NUBPL: variants seen among roughly 807,000 people sequenced by gnomAD.
The protein encoded by NUBPL is NUBP iron-sulfur cluster assembly factor, mitochondrial.
In NUBPL, 31 loss-of-function variants were observed where a neutral mutation model predicts 45.7. The ratio of observed to expected loss-of-function variants is 0.68; its 90% CI spans 0.51 to 0.92. NUBPL has a LOEUF of 0.92. Ranked by LOEUF, NUBPL falls within the 40% of genes least tolerant of loss-of-function variation. NUBPL has a pLI of 0.00. For synonymous variants in NUBPL, 144 were observed against 140.9 expected (o/e 1.02, Z -0.15); for missense variants, 401 against 398.7 (o/e 1.01, Z -0.05).
At chr14:31,687,054 A>AG (rs2036969496) in intron 6 of NUBPL, among the ~76,000 whole-genome samples, 1 of 152,196 alleles carries the variant, frequency 6.6e-6, no homozygotes, top group Admixed American at 6.5e-5. Flanking sequence ...TTGAGATTGA[A>AG]GTGAGCTGTG....
chr14:31,818,767 C>G (rs1427919303), intron 7 of NUBPL, among the ~76,000 whole-genome samples: 1 of 152,180 alleles, frequency 6.6e-6, no homozygotes, highest in African/African-American at 2.4e-5. Context: ...CCAGGATGGT[C>G]TCGATCTCCT....
intron 7 of NUBPL, among the ~76,000 whole-genome samples, chr14:31,799,781 T>TG (rs893960691): frequency 3.9e-5 from 6 of 152,214 alleles, no homozygotes; most frequent in Non-Finnish European, 8.8e-5. Flanking sequence ...GTGATCAGGG[T>TG]GGCAGTTGCT....
intron 3 of NUBPL, among the ~76,000 whole-genome samples, chr14:31,580,082 G>T (rs1232863239): frequency 6.6e-6 from 1 of 152,148 alleles, no homozygotes; most frequent in Non-Finnish European, 1.5e-5. Context: ...CTATTTATAT[G>T]AAATGAAAAT....
chr14:31,784,433 A>C (rs1423069471), intron 6 of NUBPL, among the ~76,000 whole-genome samples: 2 of 152,158 alleles, frequency 1.3e-5, no homozygotes, highest in African/African-American at 2.4e-5. Context: ...GAGGGAAGGA[A>C]CCTTCCCTGA....
chr14:31,810,274 G>C (rs924200936), intron 7 of NUBPL, among the ~76,000 whole-genome samples: 2 of 151,964 alleles, frequency 1.3e-5, no homozygotes, highest in African/African-American at 4.8e-5. Context: ...AGGTCTCTTG[G>C]GGCTTGCTTT....
intron 6 of NUBPL, among the ~76,000 whole-genome samples, chr14:31,727,677 A>C (rs558721548): frequency 1.3e-5 from 2 of 152,346 alleles, no homozygotes; most frequent in Non-Finnish European, 2.9e-5. Context: ...TTTTTGGGCC[A>C]CACTTAGTTT....
chr14:31,608,506 A>G (rs943510047), intron 4 of NUBPL, among the ~76,000 whole-genome samples: 2 of 152,148 alleles, frequency 1.3e-5, no homozygotes, highest in Admixed American at 6.5e-5. Flanking sequence ...GTGAGCCGAG[A>G]TCATGCCACT....
At chr14:31,809,016 T>C (rs2039747013) in intron 7 of NUBPL, among the ~76,000 whole-genome samples, 1 of 152,226 alleles carries the variant, frequency 6.6e-6, no homozygotes, top group Admixed American at 6.5e-5. Flanking sequence ...GGATTCGGTT[T>C]GCCAGTATTT....
intron 7 of NUBPL, among the ~76,000 whole-genome samples, chr14:31,823,173 G>C (rs1434395138): frequency 2.6e-5 from 4 of 151,994 alleles, no homozygotes; most frequent in African/African-American, 4.8e-5. Flanking sequence ...TCAAGGAGTT[G>C]CCAACTTAAA....
chr14:31,772,619 C>A (rs958463027), intron 6 of NUBPL, among the ~76,000 whole-genome samples: 14 of 151,318 alleles, frequency 9.3e-5, no homozygotes, highest in African/African-American at 3.4e-4. Context: ...AAAATAGATT[C>A]AGAATTACCA....
At chr14:31,564,486 C>T (rs1022007098) in intron 2 of NUBPL, among the ~76,000 whole-genome samples, 5 of 121,056 alleles carry the variant, frequency 4.1e-5, no homozygotes, top group Non-Finnish European at 8.1e-5. Flanking sequence ...GCCAGGGCAA[C>T]ATGGCAAGAC....
chr14:31,578,042 A>C, intron 3 of NUBPL: 1 of 1,174,724 alleles, frequency 8.5e-7, no homozygotes, highest in Non-Finnish European at 1.1e-6. Context: ...GATTGAAAAC[A>C]GATTACACTT....
chr14:31,565,757 G>T (rs2139446863), intron 3 of NUBPL, among the ~76,000 whole-genome samples: 1 of 151,954 alleles, frequency 6.6e-6, no homozygotes, highest in South Asian at 2.1e-4. Context: ...ATTTTTGTAG[G>T]ATAGATTCCT....
chr14:31,718,853 A>C (rs1378043594), intron 6 of NUBPL, among the ~76,000 whole-genome samples: 1 of 152,182 alleles, frequency 6.6e-6, no homozygotes, highest in African/African-American at 2.4e-5. Flanking sequence ...CTCTATATCA[A>C]ATGAACCTGA....
At chr14:31,746,607 C>T (rs576454074) in intron 6 of NUBPL, among the ~76,000 whole-genome samples, 1 of 152,056 alleles carries the variant, frequency 6.6e-6, no homozygotes, top group Admixed American at 6.5e-5. Flanking sequence ...ACAATTTTTA[C>T]ATCTATGCTC....
intron 6 of NUBPL, among the ~76,000 whole-genome samples, chr14:31,743,844 C>T (rs956285800): frequency 2.6e-5 from 4 of 152,002 alleles, no homozygotes; most frequent in African/African-American, 4.8e-5. Flanking sequence ...GAAATAAGGA[C>T]GAAGTATTCT....
intron 6 of NUBPL, among the ~76,000 whole-genome samples, chr14:31,676,205 T>TA (rs2036693129): frequency 6.6e-6 from 1 of 152,090 alleles, no homozygotes; most frequent in African/African-American, 2.4e-5. Context: ...GTATTTTTAG[T>TA]AGGGACGGGG....
At chr14:31,700,963 C>T (rs1278034907) in intron 6 of NUBPL, among the ~76,000 whole-genome samples, 1 of 152,184 alleles carries the variant, frequency 6.6e-6, no homozygotes, top group Non-Finnish European at 1.5e-5. Flanking sequence ...GCGGGCAGCT[C>T]CATCTATGGC....
intron 4 of NUBPL, among the ~76,000 whole-genome samples, chr14:31,636,028 A>G (rs970520728): frequency 1.1e-3 from 163 of 152,206 alleles, no homozygotes; most frequent in Middle Eastern, 3.4e-3. Context: ...CAATCATGTC[A>G]TCTGCAAACA....
Sources: allele counts gnomAD v4.1 joint callset (sites outside exome capture counted in the v4.1 genomes callset), GRCh38; gene constraint gnomAD v4.1.1; transcripts MANE v1.5; gene names NCBI Gene and HGNC (gene_info 2026-07-23, HGNC 2026-07-21).